The following C1D variants were observed in gnomAD, a reference collection of about 807,000 sequenced individuals.
C1D encodes nuclear nucleic acid-binding protein C1D.
A neutral mutation model predicts 17.5 loss-of-function variants in C1D; 10 were observed. The ratio of observed to expected loss-of-function variants is 0.57; its 90% CI spans 0.35 to 0.97. C1D has a LOEUF of 0.97. Ranked by LOEUF, C1D falls within the 50% of genes least tolerant of loss-of-function variation. The pLI, the probability that C1D is intolerant of heterozygous loss-of-function variation, is 0.01. For missense variants in C1D, 136 were observed against 160.1 expected, an observed-to-expected ratio of 0.85 and a Z score of 0.81; for synonymous variants, 49 against 54.0, an observed-to-expected ratio of 0.91 and a Z score of 0.40.
At chr2:68,046,463 T>C in intron 2 of C1D, 53 bp from the exon 3 acceptor site, 1 of 1,283,780 alleles carries the variant, frequency 7.8e-7, no homozygotes, top group Non-Finnish European at 1.1e-6. Flanking sequence ...AGAAAAAAAA[T>C]ACACAAACTT....
intron 4 of C1D, among the ~76,000 whole-genome samples, chr2:68,045,716 G>A (rs1456429882): frequency 1.3e-5 from 2 of 151,738 alleles, no homozygotes; most frequent in African/African-American, 4.8e-5. Flanking sequence ...GAGATAAACA[G>A]GATTTCAAGA....
intron 1 of C1D, 54 bp from the exon 2 acceptor site, chr2:68,047,373 G>C: frequency 7.1e-7 from 1 of 1,411,196 alleles, no homozygotes; most frequent in South Asian, 1.5e-5. Flanking sequence ...TTGTTCTTTA[G>C]TTTCCAAAAA....
At chr2:68,050,572 C>T (rs770645792) in intron 1 of C1D, among the ~76,000 whole-genome samples, 29 of 152,132 alleles carry the variant, frequency 1.9e-4, no homozygotes, top group Non-Finnish European at 3.7e-4. Flanking sequence ...TGGTTTTCTC[C>T]GTTTCCTTTC....
chr2:68,053,785 C>T (rs1190184254), intron 1 of C1D, among the ~76,000 whole-genome samples: 3 of 152,176 alleles, frequency 2.0e-5, no homozygotes, highest in African/African-American at 7.2e-5. Context: ...TCCAAATGTG[C>T]CGTGCTCTCT....
intron 4 of C1D, among the ~76,000 whole-genome samples, chr2:68,045,686 T>TA (rs143654299): frequency 0.051 from 7,550 of 148,802 alleles, 354 homozygotes; most frequent in East Asian, 0.28. Context: ...TACAGAAGTT[T>TA]AAAAAAAAAA....
intron 1 of C1D, among the ~76,000 whole-genome samples, chr2:68,048,877 T>C (rs1671205952): frequency 6.6e-6 from 1 of 152,258 alleles, no homozygotes; most frequent in African/African-American, 2.4e-5. Context: ...ACCAGCAGAC[T>C]TCAACAGTAG....
chr2:68,054,527 A>C (rs1177456476), intron 1 of C1D, among the ~76,000 whole-genome samples: 1 of 152,214 alleles, frequency 6.6e-6, no homozygotes, highest in African/African-American at 2.4e-5. Context: ...AATCAGGCCC[A>C]CCCAGATGAT....
At chr2:68,060,075 T>G (rs1182202897) in intron 1 of C1D, among the ~76,000 whole-genome samples, 1 of 152,254 alleles carries the variant, frequency 6.6e-6, no homozygotes, top group Non-Finnish European at 1.5e-5. Flanking sequence ...TCTCAGTTAA[T>G]GGCAATTCCC....
At chr2:68,049,377 G>C (rs954998280) in intron 1 of C1D, among the ~76,000 whole-genome samples, 8 of 152,134 alleles carry the variant, frequency 5.3e-5, no homozygotes, top group African/African-American at 1.9e-4. Flanking sequence ...TTATTGCCTA[G>C]ATAAAGGTAT....
In C1D at chr2:68,049,191, T is replaced by C. The variant is rs560072595; in HGVS notation, c.-9-1872A>G. On this transcript the variant is annotated intron_variant, in intron 1 of 4. Transcript: ENST00000410067. ...CAGCCTGGGCAACAGAGTTAGACTG[T>C]CTCTCAAAAAAAAAAAAAAAAGAGC... is the stretch of plus-strand genomic sequence containing the variant. Among the ~76,000 whole-genome samples the C allele has an allele frequency of 2.3e-3, 326 of 142,976 alleles. 1 individual carries two copies. Among genetic ancestry groups the C allele is most frequent in the Non-Finnish European group, 4.0e-3 (262 of 66,164 alleles). 93.8% of individuals were successfully genotyped at this position (142,976 alleles called of 152,430 possible).
At chr2:68,044,736 G>A (rs1224008121) in intron 4 of C1D, among the ~76,000 whole-genome samples, 1 of 151,970 alleles carries the variant, frequency 6.6e-6, no homozygotes, top group Non-Finnish European at 1.5e-5. Flanking sequence ...AAAAAGAAAA[G>A]GGGAAGAGGT....
At chr2:68,050,053 TAGAA>T (rs1290115905) in intron 1 of C1D, among the ~76,000 whole-genome samples, 2 of 152,214 alleles carry the variant, frequency 1.3e-5, no homozygotes, top group African/African-American at 2.4e-5. Flanking sequence ...TGTTCAGTGT[TAGAA>T]AGGGTATACA....
rs145908457 is a variant in C1D at position 68,045,991 on chromosome 2, T to C, written c.258A>G (p.Glu86=). ...TAAAAAGAAATTAAAATCTTACCAATTCCTGTTTTACTGGATGTTCCTTAG... is the reference window on the plus strand; with the variant it reads ...TAAAAAGAAATTAAAATCTTACCAACTCCTGTTTTACTGGATGTTCCTTAG... The part of the protein sequence containing the change: ...VNPKEHPVKQ[E]LERIRVYMNR... The change falls in exon 4 of 5, where the codon GAA becomes GAG. Residue 86 remains glutamate (E), a synonymous_variant. Transcript: ENST00000410067. 862 of 1,583,708 alleles carry C rather than the reference T, an allele frequency of 5.4e-4. 6 individuals carry two copies. The African/African-American group carries it at 0.011, about 20-fold the overall frequency.
In C1D at chr2:68,057,341, G is replaced by A. The variant is rs559164979; in HGVS notation, c.-10+5617C>T. On this transcript the variant is annotated intron_variant, in intron 1 of 4. Transcript: ENST00000410067. ...TTTTTTTTTTTTCGTATTTTTAGTA[G>A]AGATGAGGTTTCACCATGTTGGCCA... is the stretch of plus-strand genomic sequence containing the variant. 3.3e-5 allele frequency among the ~76,000 whole-genome samples: 5 copies of A among 150,644 alleles called. No homozygotes were observed. The South Asian group carries it at 1.0e-3, about 32-fold the overall frequency.
chr2:68,047,075 G>C (rs1282010303), intron 2 of C1D, 98 bp downstream of exon 2: 8 of 1,083,278 alleles, frequency 7.4e-6, no homozygotes, highest in Non-Finnish European at 1.0e-5. Context: ...AGGGGAAAAG[G>C]GGCATAGGTC....
At position 68,043,067 on chromosome 2, in the gene C1D, A is replaced by C. The variant is rs757940882; in HGVS notation, c.262-14T>G. The C allele has an allele frequency of 6.4e-7, 1 of 1,567,188 alleles. No homozygotes were observed. The highest frequency in any genetic ancestry group is 8.7e-7 in the Non-Finnish European group (1 of 1,155,004). ...TCTGATTCTTTCCTTAAAGATAAAA[A>C]ACAAAGGCAATAGATTTACTAAGCT... On this transcript the variant is annotated splice_polypyrimidine_tract_variant and intron_variant, in intron 4 of 4. Transcript: ENST00000410067.
intron 1 of C1D, among the ~76,000 whole-genome samples, chr2:68,048,026 C>T (rs1232011253): frequency 6.6e-6 from 1 of 151,788 alleles, no homozygotes; most frequent in Non-Finnish European, 1.5e-5. Context: ...TTTTTCAAGC[C>T]TATATATATT....
intron 1 of C1D, among the ~76,000 whole-genome samples, chr2:68,054,477 G>T (rs1054280382): frequency 2.6e-5 from 4 of 152,140 alleles, no homozygotes; most frequent in Non-Finnish European, 5.9e-5. Context: ...TTTTTGGAAG[G>T]AAAACCTCAG....
chr2:68,055,020 G>T (rs1287021771), intron 1 of C1D, among the ~76,000 whole-genome samples: 2 of 148,774 alleles, frequency 1.3e-5, no homozygotes, highest in African/African-American at 5.0e-5. Flanking sequence ...TGCATTCCTA[G>T]CATCAAAAAT....
Sources: gnomAD v4.1 joint callset for allele counts (sites outside exome capture counted in the v4.1 genomes callset) on GRCh38, gnomAD v4.1.1 for gene constraint, MANE v1.5 for transcripts, NCBI Gene and HGNC (gene_info 2026-07-23, HGNC 2026-07-21) for gene names.